Variants in SPATA6 observed in about 807,000 individuals in gnomAD.
SPATA6 encodes the protein spermatogenesis associated 6, also known as spermatogenesis-associated protein 6.
SPATA6 carries 56 observed loss-of-function variants against 65.3 expected under a neutral mutation model. The ratio of observed to expected loss-of-function variants is 0.86; its 90% confidence interval spans 0.69 to 1.07. SPATA6 has a LOEUF of 1.07. Ranked by LOEUF, SPATA6 falls within the 50% of genes least tolerant of loss-of-function variation. SPATA6 has a pLI of 0.00. For missense variants in SPATA6, 590 were observed against 594.8 expected, an observed-to-expected ratio of 0.99 and a Z score of 0.08; for synonymous variants, 199 against 213.2, an observed-to-expected ratio of 0.93 and a Z score of 0.58.
At chr1:48,268,695 G>A in the SPATA6 span, among the ~76,000 whole-genome samples, 2 of 152,040 alleles carry the variant, frequency 1.3e-5, no homozygotes, top group African/African-American at 2.4e-5. Flanking sequence ...AACTGAACTC[G>A]TGTTTAGCTT....
chr1:48,277,945 C>T, the SPATA6 span, among the ~76,000 whole-genome samples: 6 of 152,220 alleles, frequency 3.9e-5, no homozygotes, highest in Non-Finnish European at 7.3e-5. Flanking sequence ...TAGGGGCGGA[C>T]TGACACCTCA....
intron 8 of SPATA6, among the ~76,000 whole-genome samples, chr1:48,391,906 AT>A (rs112281960): frequency 5.5e-4 from 84 of 151,988 alleles, no homozygotes; most frequent in African/African-American, 1.5e-3. Context: ...AGAAAAAAAA[AT>A]TAGGTCAAAT....
At chr1:48,271,214 A>C in the SPATA6 span, among the ~76,000 whole-genome samples, 1 of 152,180 alleles carries the variant, frequency 6.6e-6, no homozygotes, top group African/African-American at 2.4e-5. Flanking sequence ...CACCCCTTGC[A>C]GTAGCAGTTT....
intron 3 of SPATA6, among the ~76,000 whole-genome samples, chr1:48,443,260 G>T (rs773077361): frequency 6.6e-6 from 1 of 152,126 alleles, no homozygotes; most frequent in East Asian, 1.9e-4. Context: ...GGTTTTCAAC[G>T]AAAGTAAAGT....
intron 11 of SPATA6, among the ~76,000 whole-genome samples, chr1:48,313,471 A>G (rs1011626673): frequency 1.3e-5 from 2 of 152,144 alleles, no homozygotes; most frequent in Non-Finnish European, 2.9e-5. Context: ...GAGAAATAAA[A>G]TCCTTTACAG....
chr1:48,438,605 C>T (rs1054629292), intron 3 of SPATA6, among the ~76,000 whole-genome samples: 3 of 152,144 alleles, frequency 2.0e-5, no homozygotes, highest in Admixed American at 6.5e-5. Flanking sequence ...TAGCCATGAT[C>T]GGAACTCTCA....
Position 48,299,011 on chromosome 1 carries a change from G to A in SPATA6, c.1287-118C>T, listed in dbSNP as rs1033354430. On this transcript the variant is annotated intron_variant, in intron 12 of 12. Transcript: ENST00000371847. The stretch of plus-strand genomic sequence containing the variant: ...CTATTTAATTCTCTGCTGGGGCTGT[G>A]AAAAATAAAACAGAGTAAGGCCTGT... The A allele has an allele frequency of 4.4e-5, 45 of 1,014,814 alleles. No homozygotes were observed. The African/African-American group carries it at 7.2e-4, about 16-fold the overall frequency. The allele number at this position is 1,014,814 out of a possible 1,614,324, so 62.9% of individuals were successfully genotyped here. A position where few individuals can be genotyped will look rare whatever the true frequency, so the allele number is the denominator to read the frequency against.
intron 1 of SPATA6, among the ~76,000 whole-genome samples, chr1:48,454,511 T>C (rs967648050): frequency 2.0e-5 from 3 of 152,198 alleles, no homozygotes; most frequent in African/African-American, 7.2e-5. Context: ...ACATTTATTA[T>C]GAACTTACTA....
At chr1:48,447,680 A>T (rs902047379) in intron 3 of SPATA6, among the ~76,000 whole-genome samples, 2 of 152,196 alleles carry the variant, frequency 1.3e-5, no homozygotes, top group Non-Finnish European at 2.9e-5. Flanking sequence ...AAATGTAAAA[A>T]AGTTAAAATC....
chr1:48,321,612 C>T (rs866005301), intron 11 of SPATA6, among the ~76,000 whole-genome samples: 1 of 152,066 alleles, frequency 6.6e-6, no homozygotes, highest in Non-Finnish European at 1.5e-5. Flanking sequence ...AGACAGACAT[C>T]CAGACATAAA....
intron 9 of SPATA6, 109 bp from the exon 10 acceptor site, chr1:48,359,879 ACACT>A (rs1201667992): frequency 3.4e-5 from 27 of 799,266 alleles, no homozygotes; most frequent in Non-Finnish European, 4.3e-5. Context: ...GTGCACACAC[ACACT>A]AATTTTATAA....
the SPATA6 span, among the ~76,000 whole-genome samples, chr1:48,278,827 G>A: frequency 2.7e-3 from 411 of 152,196 alleles, 1 homozygote; most frequent in African/African-American, 9.3e-3. Context: ...AGGAAATACA[G>A]AAACGCCACA....
intron 11 of SPATA6, among the ~76,000 whole-genome samples, chr1:48,306,807 G>C (rs1353589436): frequency 6.6e-6 from 1 of 151,820 alleles, no homozygotes; most frequent in Non-Finnish European, 1.5e-5. Context: ...ATAAATGATA[G>C]AGCTTGTTTA....
intron 8 of SPATA6, among the ~76,000 whole-genome samples, chr1:48,387,014 C>T (rs1461501433): frequency 6.6e-6 from 1 of 152,162 alleles, no homozygotes; most frequent in Non-Finnish European, 1.5e-5. Flanking sequence ...CAAAAGAAAG[C>T]AGTTTAATTG....
chr1:48,455,440 T>G (rs1032920948), intron 1 of SPATA6, among the ~76,000 whole-genome samples: 2 of 151,806 alleles, frequency 1.3e-5, no homozygotes, highest in African/African-American at 2.4e-5. Flanking sequence ...TGCAGTACAG[T>G]GGCACGGTCT....
chr1:48,286,545 C>G, the SPATA6 span, among the ~76,000 whole-genome samples: 1 of 152,068 alleles, frequency 6.6e-6, no homozygotes, highest in Non-Finnish European at 1.5e-5. Context: ...ATTCTATCAG[C>G]TTTTTTGTAG....
intron 11 of SPATA6, among the ~76,000 whole-genome samples, chr1:48,330,903 G>C (rs1645897218): frequency 6.6e-6 from 1 of 152,198 alleles, no homozygotes; most frequent in African/African-American, 2.4e-5. Context: ...CCCAGCCTGA[G>C]GGAGCTCCAT....
At chr1:48,346,727 A>T (rs1646376059) in intron 11 of SPATA6, among the ~76,000 whole-genome samples, 1 of 152,028 alleles carries the variant, frequency 6.6e-6, no homozygotes, top group East Asian at 1.9e-4. Context: ...CTGCCACAAA[A>T]AGAATAAAAT....
chr1:48,309,573 G>C (rs575863861), intron 11 of SPATA6, among the ~76,000 whole-genome samples: 1 of 151,936 alleles, frequency 6.6e-6, no homozygotes, highest in African/African-American at 2.4e-5. Context: ...CTTTCTTTTG[G>C]TTCTTTGAAT....
Sources: gnomAD v4.1 joint callset for allele counts (sites outside exome capture counted in the v4.1 genomes callset) on GRCh38, gnomAD v4.1.1 for gene constraint, MANE v1.5 for transcripts, NCBI Gene and HGNC (gene_info 2026-07-23, HGNC 2026-07-21) for gene names.